Variants in MIPEP observed in about 807,000 individuals in gnomAD.
The protein encoded by MIPEP is mitochondrial intermediate peptidase.
In MIPEP, 79 loss-of-function variants were observed where a neutral mutation model predicts 90.3. The observed-to-expected ratio is 0.87, with a 90% confidence interval of 0.73 to 1.05. MIPEP has a LOEUF of 1.05. Ranked by LOEUF, MIPEP falls within the 50% of genes least tolerant of loss-of-function variation. The pLI is 0.00. For missense variants in MIPEP, 940 were observed against 905.6 expected (o/e 1.04, Z -0.49); for synonymous variants, 334 against 315.8 (o/e 1.06, Z -0.61).
At chr13:23,752,672 C>A (rs1952453866) in intron 18 of MIPEP, among the ~76,000 whole-genome samples, 1 of 152,024 alleles carries the variant, frequency 6.6e-6, no homozygotes, top group East Asian at 1.9e-4. Flanking sequence ...CAGCAGAAAA[C>A]CTTAACATTG....
At chr13:23,832,329 CT>C (rs1868806699) in intron 14 of MIPEP, among the ~76,000 whole-genome samples, 1 of 152,106 alleles carries the variant, frequency 6.6e-6, no homozygotes, top group Admixed American at 6.5e-5. Context: ...GCCCCTTGAC[CT>C]TGGACTTCTC....
intron 16 of MIPEP, among the ~76,000 whole-genome samples, chr13:23,796,592 A>AC: frequency 6.6e-6 from 1 of 151,880 alleles, no homozygotes; most frequent in African/African-American, 2.4e-5. Flanking sequence ...TAAAAAAAAA[A>AC]AACAAAAAAA....
chr13:23,809,708 G>T (rs1953150963), intron 15 of MIPEP, 142 bp downstream of exon 15: 1 of 586,426 alleles, frequency 1.7e-6, no homozygotes, highest in South Asian at 2.5e-5. Context: ...GTCAATTTTG[G>T]TCAAGTTCTT....
intron 16 of MIPEP, among the ~76,000 whole-genome samples, chr13:23,797,119 C>T (rs550946374): frequency 6.6e-6 from 1 of 152,270 alleles, no homozygotes; most frequent in African/African-American, 2.4e-5. Context: ...AAGGCTGTTC[C>T]AATGAGAACA....
intron 14 of MIPEP, among the ~76,000 whole-genome samples, chr13:23,832,406 G>A (rs1209764582): frequency 6.6e-6 from 1 of 151,892 alleles, no homozygotes; most frequent in African/African-American, 2.4e-5. Context: ...GGTATTCTAA[G>A]GAACAGAGAA....
intron 16 of MIPEP, among the ~76,000 whole-genome samples, chr13:23,799,738 T>C (rs1291077240): frequency 6.6e-6 from 1 of 152,176 alleles, no homozygotes; most frequent in East Asian, 1.9e-4. Flanking sequence ...AAGAAACATG[T>C]CTTCTTTTCA....
At chr13:23,789,190 T>C (rs951427466) in intron 16 of MIPEP, among the ~76,000 whole-genome samples, 3 of 151,804 alleles carry the variant, frequency 2.0e-5, no homozygotes, top group Non-Finnish European at 2.9e-5. Context: ...ACGTAAACCA[T>C]ATGTCACAGA....
intron 16 of MIPEP, among the ~76,000 whole-genome samples, chr13:23,787,314 C>T (rs1390207449): frequency 1.3e-5 from 2 of 152,058 alleles, no homozygotes; most frequent in Non-Finnish European, 2.9e-5. Context: ...CTGATGACGG[C>T]CTGCTTCCAG....
At chr13:23,879,943 C>T in intron 3 of MIPEP, among the ~76,000 whole-genome samples, 1 of 152,124 alleles carries the variant, frequency 6.6e-6, no homozygotes, top group Non-Finnish European at 1.5e-5. Flanking sequence ...GGGCAGTGGT[C>T]CCAACCCACC....
intron 15 of MIPEP, among the ~76,000 whole-genome samples, chr13:23,806,551 A>G (rs536915847): frequency 2.3e-4 from 35 of 151,828 alleles, no homozygotes; most frequent in African/African-American, 8.2e-4. Flanking sequence ...GGTGGCAGGC[A>G]CCTCTAGTCC....
chr13:23,881,678 G>C, intron 3 of MIPEP, 21 bp downstream of exon 3: 1 of 1,591,450 alleles, frequency 6.3e-7, no homozygotes, highest in Non-Finnish European at 8.6e-7. Flanking sequence ...GCATGGAGGT[G>C]GGGAGGGGAA....
intron 2 of MIPEP, among the ~76,000 whole-genome samples, chr13:23,882,456 G>T (rs143513610): frequency 4.7e-4 from 72 of 151,966 alleles, no homozygotes; most frequent in African/African-American, 1.7e-3. Context: ...ACAAAGGCAC[G>T]GTCTCTTCAT....
chr13:23,882,002 A>G (rs1871289872), intron 2 of MIPEP, among the ~76,000 whole-genome samples: 1 of 152,216 alleles, frequency 6.6e-6, no homozygotes, highest in Non-Finnish European at 1.5e-5. Flanking sequence ...TTCACTCCAA[A>G]AAAAGACTTT....
chr13:23,836,915 T>C (rs1413004883), intron 13 of MIPEP, among the ~76,000 whole-genome samples: 2 of 152,242 alleles, frequency 1.3e-5, no homozygotes, highest in African/African-American at 4.8e-5. Context: ...ACCTTCTCCT[T>C]GTCCAAAATA....
At chr13:23,760,397 G>T in intron 16 of MIPEP, 180 bp from the exon 17 acceptor site, 1 of 815,892 alleles carries the variant, frequency 1.2e-6, no homozygotes, top group Non-Finnish European at 2.1e-6. Context: ...TGTTAGGGCT[G>T]AACTGTGTCT....
intron 3 of MIPEP, among the ~76,000 whole-genome samples, chr13:23,880,528 C>T (rs1358001625): frequency 6.6e-6 from 1 of 152,228 alleles, no homozygotes; most frequent in African/African-American, 2.4e-5. Flanking sequence ...GTCCATGAGA[C>T]CAGCCCACGT....
chr13:23,851,189 A>G (rs772801919), intron 10 of MIPEP, among the ~76,000 whole-genome samples: 1 of 152,226 alleles, frequency 6.6e-6, no homozygotes, highest in Non-Finnish European at 1.5e-5. Context: ...GCAGGGATGC[A>G]GCAAGTGGTT....
At chr13:23,746,237 C>A (rs1417791195) in intron 18 of MIPEP, among the ~76,000 whole-genome samples, 1 of 150,628 alleles carries the variant, frequency 6.6e-6, no homozygotes, top group African/African-American at 2.4e-5. Flanking sequence ...TGGTCTTGAA[C>A]TCCGGACCTC....
intron 13 of MIPEP, 30 bp from the exon 14 acceptor site, chr13:23,836,379 T>C: frequency 7.4e-7 from 1 of 1,356,730 alleles, no homozygotes; most frequent in Admixed American, 2.3e-5. Flanking sequence ...AAAGTTGGCA[T>C]GAATCAAATC....
Sources: allele counts gnomAD v4.1 joint callset (sites outside exome capture counted in the v4.1 genomes callset), GRCh38; gene constraint gnomAD v4.1.1; transcripts MANE v1.5; gene names NCBI Gene and HGNC (gene_info 2026-07-23, HGNC 2026-07-21).